Variants in DNM3 observed in about 807,000 individuals in gnomAD.
The protein encoded by DNM3 is dynamin 3.
Under a neutral mutation model 101.6 loss-of-function variants are expected in DNM3, and 47 were observed. The ratio of observed to expected loss-of-function variants is 0.46; its 90% CI spans 0.37 to 0.59. DNM3 has a LOEUF of 0.59. DNM3 is among the 20% of genes least tolerant of loss of function. DNM3 has a pLI of 0.00. For synonymous variants in DNM3, 385 were observed against 387.9 expected, an observed-to-expected ratio of 0.99 and a Z score of 0.09; for missense variants, 849 against 1,085.7, an observed-to-expected ratio of 0.78 and a Z score of 3.06.
At chr1:171,912,963 A>G (rs1270112220) in intron 1 of DNM3, among the ~76,000 whole-genome samples, 1 of 152,272 alleles carries the variant, frequency 6.6e-6, no homozygotes, top group African/African-American at 2.4e-5. Context: ...ATTTTATGCC[A>G]GGACTCATTC....
intron 2 of DNM3, among the ~76,000 whole-genome samples, chr1:171,939,191 GA>G (rs1439988504): frequency 2.0e-5 from 3 of 152,046 alleles, no homozygotes; most frequent in Non-Finnish European, 4.4e-5. Flanking sequence ...AAAATTTTGA[GA>G]AAAGCAACTG....
At chr1:172,333,366 A>C (rs2066273748) in intron 17 of DNM3, among the ~76,000 whole-genome samples, 1 of 152,216 alleles carries the variant, frequency 6.6e-6, no homozygotes, top group Non-Finnish European at 1.5e-5. Context: ...CCAGGTGAGC[A>C]TATGCCTAGA....
chr1:172,397,607 A>G (rs2070119033), intron 20 of DNM3, among the ~76,000 whole-genome samples: 1 of 152,216 alleles, frequency 6.6e-6, no homozygotes, highest in Non-Finnish European at 1.5e-5. Context: ...CTCCATCACT[A>G]TCTTAATAAT....
Position 172,410,671 on chromosome 1 carries a change from A to G in DNM3, c.*2830A>G, listed in dbSNP as rs2071154007. 3.0e-6 allele frequency: 3 copies of G among 985,346 alleles called. No homozygotes were observed. The highest frequency in any genetic ancestry group is 3.6e-6 in the Non-Finnish European group (3 of 829,836). 61.0% of individuals were successfully genotyped at this position (985,346 alleles called of 1,614,324 possible). A position where few individuals can be genotyped will look rare whatever the true frequency, so the allele number is the denominator to read the frequency against. On this transcript the variant is annotated 3_prime_UTR_variant, in exon 21 of 21. Transcript: ENST00000627582. The stretch of plus-strand genomic sequence containing the variant: ...TGAATATTGCTTTTAGCCGTGTTTT[A>G]TAACATAGACGAGCAGTAGGGTCTG...
chr1:171,914,099 T>A (rs973887534), intron 1 of DNM3, among the ~76,000 whole-genome samples: 1 of 152,200 alleles, frequency 6.6e-6, no homozygotes, highest in Non-Finnish European at 1.5e-5. Context: ...CAGAAAATTG[T>A]ATTAAATACT....
intron 12 of DNM3, among the ~76,000 whole-genome samples, chr1:172,089,265 G>C (rs989926560): frequency 3.3e-5 from 5 of 152,106 alleles, no homozygotes; most frequent in African/African-American, 1.2e-4. Flanking sequence ...TTGATAACAA[G>C]AACTATACCT....
At chr1:171,851,419 T>C (rs149733961) in intron 1 of DNM3, among the ~76,000 whole-genome samples, 507 of 152,096 alleles carry the variant, frequency 3.3e-3, no homozygotes, top group Non-Finnish European at 6.3e-3. Flanking sequence ...AGAACGGTTG[T>C]TGTTTTTTGA....
At chr1:172,376,553 C>T (rs993753968) in intron 17 of DNM3, 9 of 152,004 alleles carry the variant, frequency 5.9e-5, no homozygotes, top group African/African-American at 1.2e-4. Context: ...CAATTACTCA[C>T]GTAAAAGAAA....
chr1:172,209,606 C>T (rs2060442956), intron 14 of DNM3, among the ~76,000 whole-genome samples: 1 of 152,002 alleles, frequency 6.6e-6, no homozygotes, highest in Non-Finnish European at 1.5e-5. Flanking sequence ...TTCCATATCT[C>T]CCAAGGGCCC....
intron 1 of DNM3, among the ~76,000 whole-genome samples, chr1:171,857,728 T>A (rs951330622): frequency 7.2e-5 from 11 of 152,154 alleles, no homozygotes; most frequent in African/African-American, 2.2e-4. Context: ...AATGATAGTG[T>A]TTTAGGTACC....
chr1:171,973,450 A>G (rs937269085), intron 2 of DNM3, among the ~76,000 whole-genome samples: 8 of 152,056 alleles, frequency 5.3e-5, no homozygotes, highest in African/African-American at 1.9e-4. Context: ...CTTCATTCAT[A>G]TATTCTTTGA....
chr1:172,179,058 T>C (rs968448380), intron 14 of DNM3, among the ~76,000 whole-genome samples: 1 of 152,016 alleles, frequency 6.6e-6, no homozygotes, highest in Non-Finnish European at 1.5e-5. Flanking sequence ...TGAATGAAAC[T>C]GGACTTAGAA....
chr1:171,894,889 C>T (rs930434348), intron 1 of DNM3, among the ~76,000 whole-genome samples: 1 of 152,094 alleles, frequency 6.6e-6, no homozygotes, highest in Non-Finnish European at 1.5e-5. Flanking sequence ...TTTCCAGCTT[C>T]ATCCATTCTG....
chr1:172,247,467 G>A (rs190057159), intron 14 of DNM3, among the ~76,000 whole-genome samples: 2 of 152,112 alleles, frequency 1.3e-5, no homozygotes, highest in East Asian at 3.9e-4. Context: ...TTTGTAATTT[G>A]ATTATTTGAT....
intron 15 of DNM3, among the ~76,000 whole-genome samples, chr1:172,275,577 C>G (rs1331725717): frequency 6.6e-6 from 1 of 151,988 alleles, no homozygotes; most frequent in Non-Finnish European, 1.5e-5. Flanking sequence ...CCTCTCCCCA[C>G]CAGAGATGAT....
chr1:172,032,193 G>A lies in DNM3; in HGVS notation c.590-209G>A, dbSNP rs10910941. Among the ~76,000 whole-genome samples the A allele has an allele frequency of 8.7e-3, 1,317 of 152,208 alleles. 16 individuals are homozygous for A. Among genetic ancestry groups the A allele is most frequent in the African/African-American group, 0.03 (1,236 of 41,532 alleles). Reference sequence around the variant, plus strand: ...ATTTGTTTTTCTCCCTTGGGTTGAAGGTTATCTTCTGGATGGGTGGTTTGG... The same window carrying A: ...ATTTGTTTTTCTCCCTTGGGTTGAAAGTTATCTTCTGGATGGGTGGTTTGG... On this transcript the variant is annotated intron_variant, in intron 4 of 20. Coordinates refer to ENST00000627582, the MANE Select transcript of DNM3 (RefSeq NM_015569.5).
At chr1:172,178,417 G>A (rs948277400) in intron 14 of DNM3, among the ~76,000 whole-genome samples, 2 of 151,860 alleles carry the variant, frequency 1.3e-5, no homozygotes, top group Admixed American at 6.6e-5. Context: ...TTATGTACTT[G>A]AGTCTGTATA....
chr1:172,102,724 C>G (rs1055048031), intron 13 of DNM3, among the ~76,000 whole-genome samples: 2 of 152,096 alleles, frequency 1.3e-5, no homozygotes, highest in Non-Finnish European at 2.9e-5. Flanking sequence ...CCTCCTGCCT[C>G]CCTCCGGCTG....
At chr1:172,176,787 C>T (rs1455303668) in intron 14 of DNM3, among the ~76,000 whole-genome samples, 3 of 151,798 alleles carry the variant, frequency 2.0e-5, no homozygotes, top group Non-Finnish European at 2.9e-5. Flanking sequence ...GAATGCTAGA[C>T]TCATTGCCTT....
Sources: allele counts gnomAD v4.1 joint callset (sites outside exome capture counted in the v4.1 genomes callset), GRCh38; gene constraint gnomAD v4.1.1; transcripts MANE v1.5; gene names NCBI Gene and HGNC (gene_info 2026-07-23, HGNC 2026-07-21).